Variants in METTL4 observed in about 807,000 individuals in gnomAD.
METTL4 encodes the protein N(6)-adenine-specific methyltransferase METTL4.
In METTL4, 40 loss-of-function variants were observed where a neutral mutation model predicts 54.0. The ratio of observed to expected loss-of-function variants is 0.74; its 90% CI spans 0.58 to 0.96. The LOEUF is 0.96. Ranked by LOEUF, METTL4 falls within the 50% of genes least tolerant of loss-of-function variation. The pLI, the probability that METTL4 is intolerant of heterozygous loss-of-function variation, is 0.00. For synonymous variants in METTL4, 169 were observed against 183.8 expected, an observed-to-expected ratio of 0.92 and a Z score of 0.65; for missense variants, 525 against 549.0, an observed-to-expected ratio of 0.96 and a Z score of 0.44.
intron 5 of METTL4, among the ~76,000 whole-genome samples, chr18:2,552,147 C>T (rs1185816372): frequency 5.9e-5 from 9 of 151,612 alleles, no homozygotes; most frequent in African/African-American, 1.5e-4. Context: ...GAGCCAAGAT[C>T]GCGCCACTGC....
chr18:2,566,058 TAAATA>T (rs1304400161), intron 2 of METTL4, among the ~76,000 whole-genome samples: 1 of 96,108 alleles, frequency 1.0e-5, no homozygotes, highest in African/African-American at 3.3e-5. Flanking sequence ...AATAAATAAA[TAAATA>T]AATAAATAAA....
intron 1 of METTL4, chr18:2,568,306 T>C (rs571540463): frequency 6.1e-4 from 93 of 152,328 alleles, no homozygotes; most frequent in Middle Eastern, 3.4e-3. Flanking sequence ...ATTTGGGAGA[T>C]GTGACACTAT....
chr18:2,561,023 G>GA (rs990411605), intron 3 of METTL4: 1 of 151,392 alleles, frequency 6.6e-6, no homozygotes, highest in Non-Finnish European at 1.5e-5. Context: ...TAGGTTCATG[G>GA]AAAAAAATTT....
At position 2,547,480 on chromosome 18, in the gene METTL4, A is replaced by G. The variant is rs1474759277; in HGVS notation, c.949T>C (p.Leu317=). ...LQIQQIPIPK[L]AAPNCLLVTW... is the part of the protein sequence containing the mutation. ...ACAAGAAGACAGTTTGGAGCAGCCAATTTAGGGATAGGTATTTGCTGTATT... is the reference window on the plus strand; with the variant it reads ...ACAAGAAGACAGTTTGGAGCAGCCAGTTTAGGGATAGGTATTTGCTGTATT... Residue 317 remains leucine (L), a synonymous_variant, in exon 6 of 9, where the codon TTG becomes CTG. Transcript: ENST00000574538. 2.5e-6 allele frequency: 4 copies of G among 1,610,970 alleles called. No homozygotes were observed. Among genetic ancestry groups the G allele is most frequent in the African/African-American group, 2.7e-5 (2 of 74,764 alleles).
intron 3 of METTL4, among the ~76,000 whole-genome samples, chr18:2,556,407 GA>G (rs2072239876): frequency 6.6e-6 from 1 of 151,802 alleles, no homozygotes; most frequent in Non-Finnish European, 1.5e-5. Flanking sequence ...CTTTTTCTGA[GA>G]AAAAAGCTCA....
Position 2,552,772 on chromosome 18 carries a change from C to G in METTL4, c.830-8G>C, listed in dbSNP as rs781542907. 6.3e-7 allele frequency: 1 copy of G among 1,592,600 alleles called. No homozygotes were observed. The highest frequency in any genetic ancestry group is 8.6e-7 in the Non-Finnish European group (1 of 1,163,726). ...CATCAAATGTTTTCCTATCTGAAAACAAAGATACAATTTCAGAAAATACCT... is the reference window on the plus strand; with the variant it reads ...CATCAAATGTTTTCCTATCTGAAAAGAAAGATACAATTTCAGAAAATACCT... On this transcript the variant is annotated splice_region_variant and splice_polypyrimidine_tract_variant and intron_variant, in intron 4 of 8. Transcript: ENST00000574538.
At chr18:2,562,500 T>A (rs2143574131) in intron 3 of METTL4, among the ~76,000 whole-genome samples, 1 of 152,282 alleles carries the variant, frequency 6.6e-6, no homozygotes, top group South Asian at 2.1e-4. Context: ...TTATTCATAA[T>A]AGCCAAAATG....
chr18:2,553,498 GT>G (rs2072193058), intron 4 of METTL4: 1 of 152,140 alleles, frequency 6.6e-6, no homozygotes, highest in African/African-American at 2.4e-5. Context: ...TGTCTGCTGA[GT>G]TTCACCAGTT....
intron 1 of METTL4, among the ~76,000 whole-genome samples, chr18:2,570,763 C>T (rs764936152): frequency 6.6e-6 from 1 of 152,096 alleles, no homozygotes; most frequent in South Asian, 2.1e-4. Flanking sequence ...AAAATAACAA[C>T]GCTAGTTAAT....
chr18:2,548,115 T>C (rs762852657), intron 5 of METTL4, among the ~76,000 whole-genome samples: 10 of 152,194 alleles, frequency 6.6e-5, no homozygotes, highest in Non-Finnish European at 1.2e-4. Context: ...TCTATCATCT[T>C]GCTTTTTGCC....
At position 2,538,186 on chromosome 18, in the gene METTL4, T is replaced by C; in HGVS notation, c.*814A>G. 1 of 348,886 alleles carries C rather than the reference T, an allele frequency of 2.9e-6. No individual in the cohort carries two copies. The highest frequency in any genetic ancestry group is 5.1e-6 in the Non-Finnish European group (1 of 196,580). The allele number at this position is 348,886 out of a possible 1,614,324, so 21.6% of individuals were successfully genotyped here. On this transcript the variant is annotated 3_prime_UTR_variant, in exon 9 of 9. Transcript: ENST00000574538. ...TGTAGAAAATCTATAAATAATATTT[T>C]TTTCACAATCACACTGTTTACTTGC... is the stretch of plus-strand genomic sequence containing the variant.
intron 3 of METTL4, among the ~76,000 whole-genome samples, chr18:2,558,096 A>G (rs1174483372): frequency 6.6e-6 from 1 of 152,220 alleles, no homozygotes; most frequent in Non-Finnish European, 1.5e-5. Flanking sequence ...ACTGCCTCTA[A>G]CACTGCATCT....
rs1400268055 is a variant in METTL4 at position 2,537,985 on chromosome 18, T to C, written c.*1015A>G. 2.5e-6 allele frequency: 1 copy of C among 398,516 alleles called. No individual in the cohort carries two copies. Among genetic ancestry groups the C allele is most frequent in the Non-Finnish European group, 4.4e-6 (1 of 225,984 alleles). 24.7% of individuals were successfully genotyped at this position (398,516 alleles called of 1,614,324 possible). The stretch of plus-strand genomic sequence containing the variant: ...AAAGTGTTCTGTATCATGATCACTG[T>C]GGCAGACAGACAACTGTATATATGT... On this transcript the variant is annotated 3_prime_UTR_variant, in exon 9 of 9. Transcript: ENST00000574538.
chr18:2,552,636 C>A, intron 5 of METTL4, 59 bp downstream of exon 5: 1 of 1,090,770 alleles, frequency 9.2e-7, no homozygotes, highest in Non-Finnish European at 1.4e-6. Context: ...GTATATTAAA[C>A]TATAATGTAC....
chr18:2,554,840 G>C lies in METTL4; in HGVS notation c.658C>G (p.Gln220Glu). The C allele has an allele frequency of 6.2e-7, 1 of 1,613,802 alleles. No individual in the cohort carries two copies. The highest frequency in any genetic ancestry group is 8.5e-7 in the Non-Finnish European group (1 of 1,179,832). ...SLNEMEHQTL[Q>E]LVEEDTSVTE... Reference sequence around the variant, plus strand: ...ACAGATGTATCCTCTTCCACCAATTGTAATGTCTGATGTTCCATTTCATTC... The same window carrying C: ...ACAGATGTATCCTCTTCCACCAATTCTAATGTCTGATGTTCCATTTCATTC... Residue 220 changes from glutamine (Q) to glutamate (E), a missense_variant, in exon 4 of 9, where the codon CAA becomes GAA. By Grantham distance (29) the Gln-to-Glu change is conservative. Coordinates refer to ENST00000574538, the MANE Select transcript of METTL4 (RefSeq NM_022840.5).
intron 5 of METTL4, among the ~76,000 whole-genome samples, chr18:2,549,375 G>A (rs2093660733): frequency 6.6e-6 from 1 of 152,156 alleles, no homozygotes; most frequent in Non-Finnish European, 1.5e-5. Flanking sequence ...AAAAGGAGGA[G>A]AGAGGGAGGA....
chr18:2,546,564 C>T (rs2143492074), intron 6 of METTL4, among the ~76,000 whole-genome samples: 1 of 152,184 alleles, frequency 6.6e-6, no homozygotes, highest in South Asian at 2.1e-4. Flanking sequence ...ATAAAAAGTA[C>T]AACTCCACTG....
intron 6 of METTL4, among the ~76,000 whole-genome samples, chr18:2,545,036 G>T (rs1195756353): frequency 6.6e-6 from 1 of 151,952 alleles, no homozygotes; most frequent in Non-Finnish European, 1.5e-5. Flanking sequence ...ACTGAGATAT[G>T]TTACATTCTT....
At chr18:2,541,327 C>A (rs1360739300) in intron 8 of METTL4, among the ~76,000 whole-genome samples, 1 of 152,120 alleles carries the variant, frequency 6.6e-6, no homozygotes, top group Non-Finnish European at 1.5e-5. Context: ...GTAAAACACA[C>A]TTTAACTAAT....
Sources: gnomAD v4.1 joint callset for allele counts (sites outside exome capture counted in the v4.1 genomes callset) on GRCh38, gnomAD v4.1.1 for gene constraint, MANE v1.5 for transcripts, NCBI Gene and HGNC (gene_info 2026-07-23, HGNC 2026-07-21) for gene names.